DST: variants seen among roughly 807,000 people sequenced by gnomAD.
The protein encoded by DST is dystonin, also known as bullous pemphigoid antigen.
A neutral mutation model predicts 875.2 loss-of-function variants in DST; 253 were observed. The observed-to-expected ratio is 0.29, with a 90% CI of 0.26 to 0.32. The LOEUF is 0.32. Ranked by LOEUF, DST falls within the 10% of genes least tolerant of loss-of-function variation. The pLI, the probability that DST is intolerant of heterozygous loss-of-function variation, is 1.00. For missense variants in DST, 8,287 were observed against 9,111.6 expected (o/e 0.91, Z 3.68); for synonymous variants, 3,124 against 3,197.1 (o/e 0.98, Z 0.77).
intron 49 of DST, among the ~76,000 whole-genome samples, chr6:56,579,245 C>T (rs2097920817): frequency 6.6e-6 from 1 of 152,152 alleles, no homozygotes; most frequent in South Asian, 2.1e-4. Context: ...TTAACCCCTA[C>T]TTCTAGGCTT....
intron 10 of DST, among the ~76,000 whole-genome samples, chr6:56,652,689 A>G (rs2098983484): frequency 6.6e-6 from 1 of 152,182 alleles, no homozygotes; most frequent in Admixed American, 6.5e-5. Flanking sequence ...CTTTTATATC[A>G]CTTTGCACTG....
intron 4 of DST, among the ~76,000 whole-genome samples, chr6:56,836,301 C>T (rs2099793444): frequency 6.6e-6 from 1 of 152,148 alleles, no homozygotes; most frequent in African/African-American, 2.4e-5. Context: ...ATTTCTACCA[C>T]TATAGCTATG....
chr6:56,947,847 A>G (rs1820421250), intron 2 of DST, among the ~76,000 whole-genome samples: 1 of 151,862 alleles, frequency 6.6e-6, no homozygotes, highest in African/African-American at 2.4e-5. Context: ...CTACTCAGGT[A>G]CAGTGGACCC....
In DST at chr6:56,734,868, G is replaced by C. The variant is rs150809739; in HGVS notation, c.687+360C>G. Among the ~76,000 whole-genome samples the C allele has an allele frequency of 7.2e-5, 11 of 152,146 alleles. No homozygotes were observed. The East Asian group carries it at 2.1e-3, about 29-fold the overall frequency. Reference sequence around the variant, plus strand: ...CACATAAACCTGAGGCCAGAACTTGGTTTGAATCTTGAGAGAGAAAAAAAA... The same window carrying C: ...CACATAAACCTGAGGCCAGAACTTGCTTTGAATCTTGAGAGAGAAAAAAAA... On this transcript the variant is annotated intron_variant, in intron 5 of 103. Coordinates refer to ENST00000680361, the MANE Select transcript of DST (RefSeq NM_001374736.1).
At chr6:56,876,097 G>A (rs1036882157) in intron 3 of DST, among the ~76,000 whole-genome samples, 3 of 152,038 alleles carry the variant, frequency 2.0e-5, no homozygotes, top group Admixed American at 6.6e-5. Context: ...TCGAAATCCC[G>A]GAGGGAAACA....
At chr6:56,943,269 G>A (rs1817634226) in intron 2 of DST, among the ~76,000 whole-genome samples, 1 of 151,762 alleles carries the variant, frequency 6.6e-6, no homozygotes, top group East Asian at 1.9e-4. Flanking sequence ...TGGTTATAAG[G>A]TAAAATGGTT....
intron 4 of DST, among the ~76,000 whole-genome samples, chr6:56,759,874 T>C (rs898171778): frequency 6.6e-6 from 1 of 152,236 alleles, no homozygotes. Flanking sequence ...CCTGCCATTC[T>C]TGTCCTCTAA....
chr6:56,607,602 A>G lies in DST; in HGVS notation c.7026T>C (p.Ser2342=), dbSNP rs375764701. 1.9e-5 allele frequency: 30 copies of G among 1,613,146 alleles called. 1 individual carries two copies. In the African/African-American group the frequency reaches 2.0e-4, roughly 11 times the overall value. The stretch of plus-strand genomic sequence containing the variant: ...CAGTCTGTGTTAAATATGATATGAG[A>G]CTGGGAACACACACACTGGGTGAAC... ...VNSSPSVCVP[S]LISYLTQTEL... is the part of the protein sequence containing the mutation. Residue 2342 remains serine (S), a synonymous_variant, in exon 40 of 104, where the codon AGT becomes AGC. Transcript: ENST00000680361.
At chr6:56,482,485 G>C in intron 89 of DST, 198 bp downstream of exon 89, 1 of 562,862 alleles carries the variant, frequency 1.8e-6, no homozygotes, top group Non-Finnish European at 3.0e-6. Flanking sequence ...GTGAAGATTA[G>C]AATGCCTCCC....
chr6:56,671,269 T>C (rs2099099899), intron 9 of DST, among the ~76,000 whole-genome samples: 1 of 152,208 alleles, frequency 6.6e-6, no homozygotes, highest in African/African-American at 2.4e-5. Flanking sequence ...TCAGATTTGT[T>C]AATACAACTT....
intron 4 of DST, among the ~76,000 whole-genome samples, chr6:56,805,133 T>C (rs2099751612): frequency 6.6e-6 from 1 of 152,134 alleles, no homozygotes; most frequent in Non-Finnish European, 1.5e-5. Context: ...AGTTGATAAA[T>C]AATTCATAAA....
At chr6:56,584,071 T>C (rs1371990597) in intron 49 of DST, among the ~76,000 whole-genome samples, 2 of 152,174 alleles carry the variant, frequency 1.3e-5, no homozygotes, top group Non-Finnish European at 2.9e-5. Context: ...GACTTGGCGA[T>C]GCGGGCTCTT....
intron 3 of DST, among the ~76,000 whole-genome samples, chr6:56,900,093 C>T (rs1001770952): frequency 1.3e-5 from 2 of 152,200 alleles, no homozygotes; most frequent in Non-Finnish European, 2.9e-5. Flanking sequence ...TTCATCAGTT[C>T]TCTCATTACC....
At chr6:56,884,650 A>G (rs1783778357) in intron 3 of DST, among the ~76,000 whole-genome samples, 1 of 152,100 alleles carries the variant, frequency 6.6e-6, no homozygotes, top group Admixed American at 6.6e-5. Flanking sequence ...AGCCTCTCCA[A>G]GTTTACTCCT....
At chr6:56,763,670 A>T (rs60628003) in intron 4 of DST, among the ~76,000 whole-genome samples, 1,621 of 140,664 alleles carry the variant, frequency 0.012, 35 homozygotes, top group African/African-American at 0.043. Flanking sequence ...CCTCTTAAAA[A>T]AAAAAAATAC....
intron 10 of DST, among the ~76,000 whole-genome samples, chr6:56,656,674 A>G (rs1046947630): frequency 6.6e-6 from 1 of 152,204 alleles, no homozygotes; most frequent in Non-Finnish European, 1.5e-5. Flanking sequence ...CTGTCTGACT[A>G]CAGAGCCTGA....
At chr6:56,892,831 A>T (rs1314567362) in intron 3 of DST, among the ~76,000 whole-genome samples, 2 of 152,204 alleles carry the variant, frequency 1.3e-5, no homozygotes, top group African/African-American at 2.4e-5. Flanking sequence ...CAAACGCCAG[A>T]TGCCAGGAGA....
chr6:56,614,280 T>G (rs951694542), intron 37 of DST, 76 bp downstream of exon 37: 13 of 1,328,570 alleles, frequency 9.8e-6, no homozygotes, highest in Non-Finnish European at 1.3e-5. Flanking sequence ...TTAAACATTG[T>G]GCTAGGTAAA....
intron 8 of DST, among the ~76,000 whole-genome samples, chr6:56,701,497 T>A (rs2099306600): frequency 1.3e-5 from 2 of 149,532 alleles, no homozygotes; most frequent in East Asian, 3.9e-4. Context: ...TTTATAAAAA[T>A]TAACTATTTT....
Sources: allele counts gnomAD v4.1 joint callset (sites outside exome capture counted in the v4.1 genomes callset), GRCh38; gene constraint gnomAD v4.1.1; transcripts MANE v1.5; gene names NCBI Gene and HGNC (gene_info 2026-07-23, HGNC 2026-07-21).